The following RAB3C variants were observed in gnomAD, a reference collection of about 807,000 sequenced individuals.
RAB3C encodes ras-related protein Rab-3C.
In RAB3C, 17 loss-of-function variants were observed where a neutral mutation model predicts 26.4. The ratio of observed to expected loss-of-function variants is 0.64; its 90% confidence interval spans 0.44 to 0.97. RAB3C has a LOEUF of 0.97. Ranked by LOEUF, RAB3C falls within the 50% of genes least tolerant of loss-of-function variation. The pLI is 0.00. For synonymous variants in RAB3C, 91 were observed against 95.9 expected, an observed-to-expected ratio of 0.95 and a Z score of 0.30; for missense variants, 242 against 281.9, an observed-to-expected ratio of 0.86 and a Z score of 1.01.
At chr5:58,585,119 G>A (rs1025072522) in intron 1 of RAB3C, among the ~76,000 whole-genome samples, 1 of 151,990 alleles carries the variant, frequency 6.6e-6, no homozygotes, top group Non-Finnish European at 1.5e-5. Flanking sequence ...ATGCTGTCAT[G>A]AGTAATGTAC....
At position 58,624,512 on chromosome 5, in the gene RAB3C, T is replaced by C. The variant is rs527970758; in HGVS notation, c.252+6642T>C. The stretch of plus-strand genomic sequence containing the variant: ...AAAAAGATACACAATGTCTTTCTTA[T>C]GAATAAGTGACAGAAAGCAGGTGAC... On this transcript the variant is annotated intron_variant, in intron 2 of 4. Coordinates refer to ENST00000282878, the MANE Select transcript of RAB3C (RefSeq NM_138453.4). Among the ~76,000 whole-genome samples, 5 of 152,308 alleles carry C rather than the reference T, an allele frequency of 3.3e-5. No homozygotes were observed. The South Asian group carries it at 1.0e-3, about 32-fold the overall frequency.
intron 3 of RAB3C, among the ~76,000 whole-genome samples, chr5:58,798,416 G>A (rs1472319769): frequency 2.0e-5 from 3 of 152,096 alleles, no homozygotes; most frequent in African/African-American, 7.2e-5. Flanking sequence ...GCCTCGTGAT[G>A]GTTTGTCATG....
intron 2 of RAB3C, among the ~76,000 whole-genome samples, chr5:58,685,411 T>C (rs925371650): frequency 1.3e-5 from 2 of 152,174 alleles, no homozygotes; most frequent in African/African-American, 4.8e-5. Context: ...ATCTTCTCTC[T>C]TTAACTTTCT....
intron 3 of RAB3C, among the ~76,000 whole-genome samples, chr5:58,804,203 C>T (rs1742881297): frequency 6.6e-6 from 1 of 152,078 alleles, no homozygotes; most frequent in Non-Finnish European, 1.5e-5. Context: ...CTTTTCCTTT[C>T]CTTTCTAGGA....
chr5:58,671,060 T>C (rs1252089990), intron 2 of RAB3C, among the ~76,000 whole-genome samples: 2 of 152,132 alleles, frequency 1.3e-5, no homozygotes, highest in Admixed American at 1.3e-4. Flanking sequence ...GTGGCCAGAT[T>C]GAATTACTTA....
intron 3 of RAB3C, among the ~76,000 whole-genome samples, chr5:58,771,192 T>C (rs914603895): frequency 6.6e-6 from 1 of 152,138 alleles, no homozygotes; most frequent in Non-Finnish European, 1.5e-5. Flanking sequence ...AAAATTTTAC[T>C]TAGCAATTGC....
intron 3 of RAB3C, among the ~76,000 whole-genome samples, chr5:58,789,936 G>C (rs151175113): frequency 6.6e-6 from 1 of 152,214 alleles, no homozygotes; most frequent in East Asian, 1.9e-4. Flanking sequence ...AAATAGTTAC[G>C]TCTAATCTCC....
At chr5:58,677,590 T>C (rs1748254810) in intron 2 of RAB3C, among the ~76,000 whole-genome samples, 1 of 152,038 alleles carries the variant, frequency 6.6e-6, no homozygotes, top group African/African-American at 2.4e-5. Flanking sequence ...GCAAAATGAT[T>C]GATACCCAAT....
chr5:58,839,800 G>A (rs1259176909), intron 4 of RAB3C, among the ~76,000 whole-genome samples: 3 of 152,050 alleles, frequency 2.0e-5, no homozygotes, highest in Non-Finnish European at 4.4e-5. Flanking sequence ...TTCTTGTAAG[G>A]CCAGTCTGGT....
chr5:58,714,203 G>T (rs1579874536), intron 2 of RAB3C, among the ~76,000 whole-genome samples: 2 of 152,084 alleles, frequency 1.3e-5, no homozygotes, highest in African/African-American at 4.8e-5. Context: ...TGGTAGTATG[G>T]ATGGTGATGG....
chr5:58,777,074 T>C (rs1742159364), intron 3 of RAB3C, among the ~76,000 whole-genome samples: 1 of 152,178 alleles, frequency 6.6e-6, no homozygotes, highest in South Asian at 2.1e-4. Context: ...AACCTGAGGA[T>C]AACCTCAACT....
intron 4 of RAB3C, among the ~76,000 whole-genome samples, chr5:58,829,273 T>C (rs941599285): frequency 6.6e-6 from 1 of 152,186 alleles, no homozygotes; most frequent in African/African-American, 2.4e-5. Flanking sequence ...TTTTAAATTC[T>C]ATATTAAATT....
At chr5:58,617,276 G>A (rs565705418) in intron 1 of RAB3C, among the ~76,000 whole-genome samples, 1 of 152,276 alleles carries the variant, frequency 6.6e-6, no homozygotes, top group African/African-American at 2.4e-5. Context: ...CCACTTTGGT[G>A]TCTCTGTCAG....
intron 1 of RAB3C, among the ~76,000 whole-genome samples, chr5:58,613,153 A>G (rs1340018863): frequency 6.6e-6 from 1 of 152,126 alleles, no homozygotes; most frequent in Non-Finnish European, 1.5e-5. Flanking sequence ...TTCCTGGTCA[A>G]TAGAACTTCT....
chr5:58,670,052 G>A (rs1286958826), intron 2 of RAB3C, among the ~76,000 whole-genome samples: 2 of 152,116 alleles, frequency 1.3e-5, no homozygotes, highest in South Asian at 4.1e-4. Flanking sequence ...AAATCATTCT[G>A]TGTGCCTTTC....
intron 2 of RAB3C, among the ~76,000 whole-genome samples, chr5:58,660,278 A>G (rs1345720041): frequency 6.7e-6 from 1 of 150,286 alleles, no homozygotes; most frequent in Non-Finnish European, 1.5e-5. Flanking sequence ...TGGAAATTCT[A>G]ATTGTTATTT....
chr5:58,631,023 A>T (rs764395970), intron 2 of RAB3C, among the ~76,000 whole-genome samples: 2 of 152,234 alleles, frequency 1.3e-5, no homozygotes, highest in Non-Finnish European at 2.9e-5. Context: ...GGTCTTGCAA[A>T]TGAAGACTAA....
intron 2 of RAB3C, among the ~76,000 whole-genome samples, chr5:58,666,536 T>C (rs1441610561): frequency 6.6e-6 from 1 of 152,248 alleles, no homozygotes; most frequent in African/African-American, 2.4e-5. Flanking sequence ...TAGATTCTGA[T>C]TCCAGAGGAT....
intron 2 of RAB3C, among the ~76,000 whole-genome samples, chr5:58,686,712 G>A (rs1051000633): frequency 1.1e-4 from 16 of 150,150 alleles, no homozygotes; most frequent in South Asian, 2.1e-4. Context: ...ACACACACAC[G>A]CATGCAGTTA....
Sources: allele counts gnomAD v4.1 joint callset (sites outside exome capture counted in the v4.1 genomes callset), GRCh38; gene constraint gnomAD v4.1.1; transcripts MANE v1.5; gene names NCBI Gene and HGNC (gene_info 2026-07-23, HGNC 2026-07-21).